Variants in STX7 observed in about 807,000 individuals in gnomAD.
The protein encoded by STX7 is syntaxin-7.
A neutral mutation model predicts 39.6 loss-of-function variants in STX7; 34 were observed. That is an observed-to-expected ratio of 0.86 (90% CI 0.65 to 1.14). The LOEUF (loss-of-function observed/expected upper bound fraction) is 1.14. Ranked by LOEUF, STX7 falls within the 50% of genes most tolerant of loss-of-function variation. STX7 has a pLI of 0.00. For synonymous variants in STX7, 119 were observed against 99.1 expected (o/e 1.20, Z -1.19); for missense variants, 284 against 310.4 (o/e 0.92, Z 0.64).
chr6:132,471,484 T>C lies in STX7; in HGVS notation c.366A>G (p.Val122=). The change falls in exon 5 of 10, where the codon GTA becomes GTG. Residue 122 remains valine (V), a synonymous_variant. Transcript: ENST00000367941. ...TTACAGACACTCTGGAACTGGCTCT[T>C]ACTCGAGCAACAAACTCTTTCTCTC... ...AEREKEFVAR[V]RASSRVSGSF... 2.5e-6 allele frequency: 4 copies of C among 1,613,992 alleles called. No homozygotes were observed. Among genetic ancestry groups the C allele is most frequent in the Non-Finnish European group, 2.5e-6 (3 of 1,179,912 alleles).
At chr6:132,496,286 G>A (rs184194029) in intron 2 of STX7, among the ~76,000 whole-genome samples, 83 of 152,038 alleles carry the variant, frequency 5.5e-4, no homozygotes, top group African/African-American at 1.9e-3. Flanking sequence ...ACTCAAATGC[G>A]AGAATTCACA....
At position 132,502,831 on chromosome 6, in the gene STX7, G is replaced by A. The variant is rs368333816; in HGVS notation, c.85+615C>T. Among the ~76,000 whole-genome samples, 19 of 152,202 alleles carry A rather than the reference G, an allele frequency of 1.2e-4. 1 individual carries two copies. The South Asian group carries it at 3.3e-3, about 27-fold the overall frequency. On this transcript the variant is annotated intron_variant, in intron 2 of 9. Transcript: ENST00000367941. ...GGAGAATGGTGTGAACCTGGGAGGC[G>A]GAGCTTGCAGTGAGCCAAGATCGTA...
intron 2 of STX7, among the ~76,000 whole-genome samples, chr6:132,482,878 C>G (rs918918662): frequency 6.6e-6 from 1 of 151,898 alleles, no homozygotes; most frequent in Admixed American, 6.6e-5. Flanking sequence ...CCTCCTACAC[C>G]AGGGTCAACA....
chr6:132,487,803 TTCTA>T (rs1775176032), intron 2 of STX7, among the ~76,000 whole-genome samples: 1 of 152,204 alleles, frequency 6.6e-6, no homozygotes, highest in Admixed American at 6.5e-5. Context: ...AATTTGTTTC[TTCTA>T]TTTTTTTCAT....
chr6:132,479,799 T>C, intron 2 of STX7, among the ~76,000 whole-genome samples: 1 of 152,224 alleles, frequency 6.6e-6, no homozygotes, highest in East Asian at 1.9e-4. Flanking sequence ...AATTTTTTCA[T>C]TCATCCTTTG....
intron 3 of STX7, among the ~76,000 whole-genome samples, chr6:132,473,443 AC>A (rs1182423261): frequency 1.3e-5 from 2 of 151,578 alleles, no homozygotes; most frequent in Admixed American, 1.3e-4. Flanking sequence ...TATTTATAAT[AC>A]CCAATACAAT....
chr6:132,474,125 G>GT (rs1774809550), intron 3 of STX7, among the ~76,000 whole-genome samples: 1 of 150,734 alleles, frequency 6.6e-6, no homozygotes, highest in East Asian at 2.0e-4. Context: ...CTACACAGTA[G>GT]GCTGAGGTGG....
Position 132,470,645 on chromosome 6 carries a change from G to A in STX7, c.388-19C>T, listed in dbSNP as rs1027357616. On this transcript the variant is annotated intron_variant, in intron 5 of 9. Transcript: ENST00000367941. ...AACTGCCCTGAATAATTTAGTAACA[G>A]GATGGAATGAGAAGGGGCAAAAAAA... 1 of 1,598,232 alleles carries A rather than the reference G, an allele frequency of 6.3e-7. No individual in the cohort carries two copies. The highest frequency in any genetic ancestry group is 8.6e-7 in the Non-Finnish European group (1 of 1,169,510).
chr6:132,475,758 A>G (rs1774858486), intron 2 of STX7, 96 bp from the exon 3 acceptor site: 1 of 647,166 alleles, frequency 1.5e-6, no homozygotes, highest in Non-Finnish European at 2.5e-6. Context: ...GGCAGTTGAA[A>G]AGAGACAGAA....
chr6:132,470,129 C>A, intron 6 of STX7, 82 bp from the exon 7 acceptor site: 1 of 983,908 alleles, frequency 1.0e-6, no homozygotes, highest in Non-Finnish European at 1.4e-6. Flanking sequence ...AAGATATATT[C>A]ATTAAATAGG....
chr6:132,487,715 A>G (rs13191064), intron 2 of STX7, among the ~76,000 whole-genome samples: 34,955 of 152,192 alleles, frequency 0.23, 4,583 homozygotes, highest in East Asian at 0.65. Context: ...TACAGAATAT[A>G]TGTAAATATG....
intron 2 of STX7, among the ~76,000 whole-genome samples, chr6:132,495,790 T>C (rs1056502551): frequency 3.9e-5 from 6 of 152,170 alleles, no homozygotes; most frequent in Non-Finnish European, 2.9e-5. Flanking sequence ...CACTTTTACA[T>C]AGACTTTTAA....
At chr6:132,510,886 A>T (rs928238223) in intron 1 of STX7, among the ~76,000 whole-genome samples, 6 of 152,264 alleles carry the variant, frequency 3.9e-5, no homozygotes, top group African/African-American at 1.4e-4. Flanking sequence ...GAAGTGTCAA[A>T]CACTACTCCC....
At chr6:132,491,213 C>T (rs989251701) in intron 2 of STX7, among the ~76,000 whole-genome samples, 5 of 151,178 alleles carry the variant, frequency 3.3e-5, no homozygotes, top group Non-Finnish European at 5.9e-5. Flanking sequence ...AGCAGGAGAA[C>T]ATGTTGCCAC....
At chr6:132,483,388 T>A (rs1292728014) in intron 2 of STX7, among the ~76,000 whole-genome samples, 1 of 152,178 alleles carries the variant, frequency 6.6e-6, no homozygotes, top group African/African-American at 2.4e-5. Flanking sequence ...CCATGCAGAA[T>A]CCATGGAAAA....
intron 9 of STX7, among the ~76,000 whole-genome samples, chr6:132,463,067 C>A (rs572881653): frequency 6.6e-6 from 1 of 151,880 alleles, no homozygotes. Context: ...ACAAAAAATA[C>A]AAAAATTAGC....
intron 8 of STX7, 98 bp from the exon 9 acceptor site, chr6:132,464,173 C>G: frequency 8.2e-7 from 1 of 1,215,338 alleles, no homozygotes; most frequent in South Asian, 1.2e-5. Flanking sequence ...TAAATATGGT[C>G]ATTATTCAAA....
At chr6:132,463,307 G>A (rs1042213113) in intron 9 of STX7, among the ~76,000 whole-genome samples, 5 of 152,146 alleles carry the variant, frequency 3.3e-5, no homozygotes, top group African/African-American at 1.2e-4. Context: ...TGGTATTTAG[G>A]GGTTTCCAAA....
At chr6:132,492,479 G>T (rs994661621) in intron 2 of STX7, among the ~76,000 whole-genome samples, 1 of 151,716 alleles carries the variant, frequency 6.6e-6, no homozygotes, top group Non-Finnish European at 1.5e-5. Flanking sequence ...TATTTTATTC[G>T]CTGACATAGC....
Sources: allele counts gnomAD v4.1 joint callset (sites outside exome capture counted in the v4.1 genomes callset), GRCh38; gene constraint gnomAD v4.1.1; transcripts MANE v1.5; gene names NCBI Gene and HGNC (gene_info 2026-07-23, HGNC 2026-07-21).